Variants in PDIA3 observed in about 807,000 individuals in gnomAD.
PDIA3 encodes protein disulfide-isomerase A3.
PDIA3 carries 16 observed loss-of-function variants against 56.9 expected under a neutral mutation model. The ratio of observed to expected loss-of-function variants is 0.28; its 90% CI spans 0.19 to 0.43. The LOEUF (loss-of-function observed/expected upper bound fraction) is 0.43, where lower values mean the gene tolerates loss of function less well. Ranked by LOEUF, PDIA3 falls within the 20% of genes least tolerant of loss-of-function variation. The pLI, the probability that PDIA3 is intolerant of heterozygous loss-of-function variation, is 1.00. For missense variants in PDIA3, 485 were observed against 621.3 expected, an observed-to-expected ratio of 0.78 and a Z score of 2.33; for synonymous variants, 192 against 216.5, an observed-to-expected ratio of 0.89 and a Z score of 0.99.
chr15:43,757,381 A>G (rs2086785184), intron 3 of PDIA3, among the ~76,000 whole-genome samples: 1 of 151,566 alleles, frequency 6.6e-6, no homozygotes, highest in African/African-American at 2.4e-5. Context: ...ACACAGTGAA[A>G]CCCCATCTCT....
intron 1 of PDIA3, among the ~76,000 whole-genome samples, chr15:43,748,991 G>A (rs946588636): frequency 3.8e-4 from 57 of 151,704 alleles, no homozygotes; most frequent in African/African-American, 1.3e-3. Context: ...GGCTGGTCTC[G>A]AACTCCTGAC....
chr15:43,766,134 TAAAAAA>T, intron 7 of PDIA3, 122 bp downstream of exon 7: 2 of 337,426 alleles, frequency 5.9e-6, no homozygotes, highest in African/African-American at 2.7e-5. Context: ...TAAGAAGAGG[TAAAAAA>T]AAAAAAAAAA....
chr15:43,770,362 G>C (rs776447112), intron 11 of PDIA3, 33 bp downstream of exon 11: 1 of 1,552,054 alleles, frequency 6.4e-7, no homozygotes, highest in Non-Finnish European at 8.9e-7. Flanking sequence ...AAAGTGTCTA[G>C]GCAATAGATA....
chr15:43,752,626 A>G (rs2086752072), intron 1 of PDIA3, among the ~76,000 whole-genome samples: 1 of 152,232 alleles, frequency 6.6e-6, no homozygotes, highest in Admixed American at 6.5e-5. Context: ...ATACTTTAAT[A>G]GGCCGCCTGA....
chr15:43,746,695 C>T lies in PDIA3; in HGVS notation c.156C>T (p.Phe52=), dbSNP rs4080720. The stretch of plus-strand genomic sequence containing the variant: ...CTGCGGGCCTCATGCTCGTCGAGTT[C>T]TTCGCCCCCTGGTGAGTCCATTCTG... ...TGSAGLMLVE[F]FAPWCGHCKR... The change falls in exon 1 of 13, where the codon TTC becomes TTT. Residue 52 remains phenylalanine (F), a synonymous_variant. Transcript: ENST00000300289. 1 of 1,612,932 alleles carries T rather than the reference C, an allele frequency of 6.2e-7. No individual in the cohort carries two copies. Among genetic ancestry groups the T allele is most frequent in the East Asian group, 2.2e-5 (1 of 44,868 alleles).
At position 43,768,589 on chromosome 15, in the gene PDIA3, C is replaced by G; in HGVS notation, c.1129C>G (p.Pro377Ala). Reference protein sequence around the residue: ...SEPIPESNDGPVKVVVAENFD... With the variant: ...SEPIPESNDGAVKVVVAENFD... ...ACCTATCCCAGAGAGCAATGATGGG[C>G]CTGTGAAGGTGAGGTGCTCACAGCC... The change falls in exon 9 of 13, where the codon CCT becomes GCT. Residue 377 changes from proline (P) to alanine (A), a missense_variant. Physicochemically the swap from Pro to Ala is conservative, Grantham distance 27. Transcript: ENST00000300289. The G allele has an allele frequency of 6.3e-7, 1 of 1,599,492 alleles. No individual in the cohort carries two copies. Among genetic ancestry groups the G allele is most frequent in the Non-Finnish European group, 8.6e-7 (1 of 1,166,690 alleles).
intron 5 of PDIA3, among the ~76,000 whole-genome samples, chr15:43,764,529 G>A (rs2086836436): frequency 6.6e-6 from 1 of 152,088 alleles, no homozygotes; most frequent in Non-Finnish European, 1.5e-5. Flanking sequence ...GTGCAGTGGT[G>A]CGATCTCGGC....
chr15:43,769,606 G>T lies in PDIA3; in HGVS notation c.1226G>T (p.Cys409Phe). 6.2e-7 allele frequency: 1 copy of T among 1,613,800 alleles called. No individual in the cohort carries two copies. Among genetic ancestry groups the T allele is most frequent in the South Asian group, 1.1e-5 (1 of 91,068 alleles). The change falls in exon 10 of 13, where the codon TGT (cysteine) becomes TTT (phenylalanine). Residue 409 changes from cysteine (C) to phenylalanine (F), a missense_variant. Transcript: ENST00000300289. Reference protein sequence around the residue: ...IEFYAPWCGHCKNLEPKYKEL... With the variant: ...IEFYAPWCGHFKNLEPKYKEL... Reference sequence around the variant, plus strand: ...TTTTATGCCCCTTGGTGTGGTCACTGTAAGAACCTGGAGCCCAAGTATAAA... The same window carrying T: ...TTTTATGCCCCTTGGTGTGGTCACTTTAAGAACCTGGAGCCCAAGTATAAA...
In PDIA3 at chr15:43,768,517, C is replaced by T. The variant is rs746968836; in HGVS notation, c.1057C>T (p.Leu353=). 7 of 1,613,856 alleles carry T rather than the reference C, an allele frequency of 4.3e-6. No individual in the cohort carries two copies. The South Asian group carries it at 7.7e-5, about 18-fold the overall frequency. The change falls in exon 9 of 13, where the codon CTG becomes TTG. Residue 353 remains leucine, a synonymous_variant. Coordinates refer to ENST00000300289, the MANE Select transcript of PDIA3 (RefSeq NM_005313.5). Reference sequence around the variant, plus strand: ...TGATGGGAAGGCTCTGGAGAGGTTCCTGCAGGATTACTTTGATGGCAATCT... The same window carrying T: ...TGATGGGAAGGCTCTGGAGAGGTTCTTGCAGGATTACTTTGATGGCAATCT... ...SRDGKALERF[L]QDYFDGNLKR... is the part of the protein sequence containing the mutation.
chr15:43,773,220 G>C lies in PDIA3; in HGVS notation c.*2002G>C. 1 of 1,613,772 alleles carries C rather than the reference G, an allele frequency of 6.2e-7. No individual in the cohort carries two copies. Among genetic ancestry groups the C allele is most frequent in the Non-Finnish European group, 8.5e-7 (1 of 1,179,914 alleles). On this transcript the variant is annotated 3_prime_UTR_variant, in exon 13 of 13. Transcript: ENST00000300289. ...CGACGCTTTTCTTCTCTGTAACTTGGGTACTGCTGCAGAGAAAAAGCATCC... is the reference window on the plus strand; with the variant it reads ...CGACGCTTTTCTTCTCTGTAACTTGCGTACTGCTGCAGAGAAAAAGCATCC...
intron 5 of PDIA3, among the ~76,000 whole-genome samples, chr15:43,765,141 T>G (rs2086839918): frequency 6.6e-6 from 1 of 152,150 alleles, no homozygotes; most frequent in African/African-American, 2.4e-5. Flanking sequence ...TTTTGGAGGC[T>G]GAGATGGGAG....
intron 3 of PDIA3, among the ~76,000 whole-genome samples, chr15:43,758,895 T>C (rs1165954644): frequency 6.6e-6 from 1 of 151,876 alleles, no homozygotes; most frequent in Admixed American, 6.6e-5. Context: ...GAGACTCGCT[T>C]GAACCTGGAA....
intron 1 of PDIA3, among the ~76,000 whole-genome samples, chr15:43,748,268 G>A (rs1486689263): frequency 5.3e-5 from 8 of 150,720 alleles, no homozygotes; most frequent in East Asian, 2.0e-4. Flanking sequence ...ACCTGAGGTC[G>A]GGAGTTCAAG....
rs144124085 is a variant in PDIA3 at position 43,753,311 on chromosome 15, C to T, written c.168-513C>T. ...CAGGCTGGTCTTGAACTCCTGACCT[C>T]GAGTGATCTACTCGCCTTGGCCTCC... On this transcript the variant is annotated intron_variant, in intron 1 of 12. Coordinates refer to ENST00000300289, the MANE Select transcript of PDIA3 (RefSeq NM_005313.5). Among the ~76,000 whole-genome samples the T allele has an allele frequency of 3.5e-3, 526 of 152,252 alleles. 4 individuals carry two copies. Among genetic ancestry groups the T allele is most frequent in the African/African-American group, 0.012 (495 of 41,548 alleles).
chr15:43,768,234 G>T (rs1321752392), intron 8 of PDIA3, among the ~76,000 whole-genome samples: 1 of 152,072 alleles, frequency 6.6e-6, no homozygotes, highest in African/African-American at 2.4e-5. Context: ...ATAAGACCTT[G>T]TTTTCTTACA....
rs149410584 is a variant in PDIA3, at chr15:43,771,150, G to A, written c.1450G>A (p.Ala484Thr). ...SDFISYLQREATNPPVIQEEK... is the reference protein window; with the variant it reads ...SDFISYLQRETTNPPVIQEEK... ...TTTTATTAGCTATCTACAAAGAGAA[G>A]CTACAAACCCCCCTGTAATTCAAGA... Residue 484 changes from alanine to threonine, a missense_variant, in exon 13 of 13, where the codon GCT (alanine) becomes ACT (threonine). Transcript: ENST00000300289. The A allele has an allele frequency of 3.3e-5, 53 of 1,613,140 alleles. 1 individual carries two copies. In the African/African-American group the frequency reaches 6.5e-4, roughly 20 times the overall value.
In PDIA3 at chr15:43,761,514, A is replaced by T. The variant is rs1054408341; in HGVS notation, c.455A>T (p.Lys152Ile). 6.5e-7 allele frequency: 1 copy of T among 1,547,498 alleles called. No individual in the cohort carries two copies. The highest frequency in any genetic ancestry group is 8.9e-7 in the Non-Finnish European group (1 of 1,122,230). Residue 152 changes from lysine (K) to isoleucine (I), a missense_variant, in exon 4 of 13, where the codon AAA (lysine) becomes ATA (isoleucine). Transcript: ENST00000300289. ...EEEFKKFISD[K>I]DASIVGFFDD... ...GAATTTAAGAAATTCATTAGTGATA[A>T]AGATGCCTCTATAGTAGGTAAGTAG... is the stretch of plus-strand genomic sequence containing the variant.
Position 43,746,723 on chromosome 15 carries a change from GAGGCGGGGGAAGAA to G in PDIA3, c.167+26_167+39del. 6.2e-7 allele frequency: 1 copy of G among 1,611,686 alleles called. No individual in the cohort carries two copies. The highest frequency in any genetic ancestry group is 2.2e-5 in the East Asian group (1 of 44,772). On this transcript the variant is annotated intron_variant, in intron 1 of 12. Transcript: ENST00000300289. ...CGCCCCCTGGTGAGTCCATTCTGCC[GAGGCGGGGGAAGAA>G]AGGCGGGGCTGGGCCGGGGGCGAGA...
chr15:43,756,590 A>T, intron 2 of PDIA3, 59 bp from the exon 3 acceptor site: 1 of 952,800 alleles, frequency 1.0e-6, no homozygotes, highest in Non-Finnish European at 1.7e-6. Context: ...TTGAGAATAT[A>T]GGAAGAACCT....
Sources: gnomAD v4.1 joint callset for allele counts (sites outside exome capture counted in the v4.1 genomes callset) on GRCh38, gnomAD v4.1.1 for gene constraint, MANE v1.5 for transcripts, NCBI Gene and HGNC (gene_info 2026-07-23, HGNC 2026-07-21) for gene names.